GCH1: variants seen among roughly 807,000 people sequenced by gnomAD.
GCH1 encodes the protein GTP cyclohydrolase 1, also known as GTP cyclohydrolase I.
A neutral mutation model predicts 25.9 loss-of-function variants in GCH1; 5 were observed. The ratio of observed to expected loss-of-function variants is 0.19; its 90% CI spans 0.10 to 0.41. GCH1 has a LOEUF of 0.41. GCH1 is among the 10% of genes least tolerant of loss of function. The pLI is 1.00. For synonymous variants in GCH1, 159 were observed against 129.6 expected (o/e 1.23, Z -1.54); for missense variants, 261 against 336.5 (o/e 0.78, Z 1.75).
At chr14:54,869,949 G>A (rs1336007823) in intron 1 of GCH1, among the ~76,000 whole-genome samples, 1 of 152,134 alleles carries the variant, frequency 6.6e-6, no homozygotes, top group African/African-American at 2.4e-5. Flanking sequence ...ACACAGAAGA[G>A]ACTACCTATG....
Position 54,861,279 on chromosome 14 carries a change from T to A in GCH1, c.454-1543A>T, listed in dbSNP as rs149850176. Among the ~76,000 whole-genome samples the A allele has an allele frequency of 8.9e-4, 135 of 152,290 alleles. 1 individual carries two copies. In the East Asian group the frequency reaches 0.025, roughly 28 times the overall value. ...GAAAAAGTAAAATAGCACCTGAACA[T>A]TGAGGATTTCAAAGAAAAATTAGAG... On this transcript the variant is annotated intron_variant, in intron 2 of 5. Transcript: ENST00000491895.
rs1449444039 is a variant in GCH1, at chr14:54,880,713, T to C, written c.344-15277A>G. ...TACTCATATATATATACTCCATATA[T>C]ATATACTCATATATATATATATACT... On this transcript the variant is annotated intron_variant, in intron 1 of 5. Transcript: ENST00000491895. Among the ~76,000 whole-genome samples, 62 of 48,684 alleles carry C rather than the reference T, an allele frequency of 1.3e-3. 25 individuals are homozygous for C. The highest frequency in any genetic ancestry group is 8.6e-3 in the African/African-American group (57 of 6,616). 31.9% of individuals were successfully genotyped at this position (48,684 alleles called of 152,430 possible).
At chr14:54,898,206 C>T (rs534245374) in intron 1 of GCH1, among the ~76,000 whole-genome samples, 12 of 152,074 alleles carry the variant, frequency 7.9e-5, no homozygotes, top group Admixed American at 1.3e-4. Context: ...ACAGTGAGAC[C>T]CTGCCTCTAT....
In GCH1 at chr14:54,843,114, A is replaced by AT; in HGVS notation, c.*902dup. On this transcript the variant is annotated 3_prime_UTR_variant, in exon 6 of 6. Transcript: ENST00000491895. ...AATACTTAGAAAAATATCTTATAAG[A>AT]TTAAAAAAAAGAAGAAGAAGAAACA... 1 of 1,492,690 alleles carries AT rather than the reference A, an allele frequency of 6.7e-7. No individual in the cohort carries two copies. The highest frequency in any genetic ancestry group is 9.1e-7 in the Non-Finnish European group (1 of 1,093,600). The allele number at this position is 1,492,690 out of a possible 1,614,324, so 92.5% of individuals were successfully genotyped here. A position where few individuals can be genotyped will look rare whatever the true frequency, so the allele number is the denominator to read the frequency against.
At position 54,867,589 on chromosome 14, in the gene GCH1, C is replaced by CAAA. The variant is rs1029899399; in HGVS notation, c.344-2156_344-2154dup. On this transcript the variant is annotated intron_variant, in intron 1 of 5. Transcript: ENST00000491895. Reference sequence around the variant, plus strand: ...GGCAAGAGAGAACAAGACTCCGTCTCAAAAAAAAAAAAAAAAAAAAAAAAA... The same window carrying CAAA: ...GGCAAGAGAGAACAAGACTCCGTCTCAAAAAAAAAAAAAAAAAAAAAAAAAAAA... Among the ~76,000 whole-genome samples, 428 of 46,460 alleles carry CAAA rather than the reference C, an allele frequency of 9.2e-3. 46 individuals carry two copies. The highest frequency in any genetic ancestry group is 0.028 in the African/African-American group (342 of 12,226). The allele number at this position is 46,460 out of a possible 152,430, so 30.5% of individuals were successfully genotyped here.
intron 1 of GCH1, among the ~76,000 whole-genome samples, chr14:54,876,148 C>T (rs1292213801): frequency 6.6e-6 from 1 of 152,080 alleles, no homozygotes; most frequent in Non-Finnish European, 1.5e-5. Flanking sequence ...ACATATACAC[C>T]ACAGAATACT....
intron 1 of GCH1, among the ~76,000 whole-genome samples, chr14:54,870,473 C>A (rs2040055284): frequency 1.3e-5 from 2 of 151,946 alleles, no homozygotes; most frequent in Admixed American, 1.3e-4. Flanking sequence ...GTATCGGGTT[C>A]ATCTCACTGG....
Position 54,902,826 on chromosome 14 carries a change from T to C in GCH1, c.-163A>G, listed in dbSNP as rs2040592194. ...CTCCGAGCCGGGAGCGGCCACAGGC[T>C]GGAAAGCCCGGCCGCGCCTCCTTTT... On this transcript the variant is annotated 5_prime_UTR_variant, in exon 1 of 6. Transcript: ENST00000491895. 1 of 961,826 alleles carries C rather than the reference T, an allele frequency of 1.0e-6. No homozygotes were observed. The allele number at this position is 961,826 out of a possible 1,614,324, so 59.6% of individuals were successfully genotyped here.
At position 54,843,286 on chromosome 14, in the gene GCH1, G is replaced by A. The variant is rs1344848838; in HGVS notation, c.*731C>T. On this transcript the variant is annotated 3_prime_UTR_variant, in exon 6 of 6. Coordinates refer to ENST00000491895, the MANE Select transcript of GCH1 (RefSeq NM_000161.3). ...AGGCAAAAGTATCTACACTCTAAATGATATTCTTATCAAGGCACAGAGAGT... is the reference window on the plus strand; with the variant it reads ...AGGCAAAAGTATCTACACTCTAAATAATATTCTTATCAAGGCACAGAGAGT... 2 of 1,362,130 alleles carry A rather than the reference G, an allele frequency of 1.5e-6. No homozygotes were observed. Among genetic ancestry groups the A allele is most frequent in the Non-Finnish European group, 1.9e-6 (2 of 1,063,344 alleles). 84.4% of individuals were successfully genotyped at this position (1,362,130 alleles called of 1,614,324 possible). A position where few individuals can be genotyped will look rare whatever the true frequency, so the allele number is the denominator to read the frequency against.
intron 3 of GCH1, among the ~76,000 whole-genome samples, chr14:54,852,921 G>A (rs1594976713): frequency 6.6e-6 from 1 of 152,122 alleles, no homozygotes; most frequent in Admixed American, 6.5e-5. Flanking sequence ...ACTAGTTTCT[G>A]CTAGCTGCCT....
chr14:54,898,363 G>T (rs1256480900), intron 1 of GCH1, among the ~76,000 whole-genome samples: 1 of 152,154 alleles, frequency 6.6e-6, no homozygotes, highest in African/African-American at 2.4e-5. Flanking sequence ...GTTGCTCTGG[G>T]TGAGTCAGTG....
At chr14:54,879,654 A>T (rs1377096492) in intron 1 of GCH1, among the ~76,000 whole-genome samples, 8 of 152,104 alleles carry the variant, frequency 5.3e-5, no homozygotes, top group African/African-American at 1.9e-4. Context: ...TAAATTAAGT[A>T]AAAACAATGT....
intron 1 of GCH1, among the ~76,000 whole-genome samples, chr14:54,887,023 C>A (rs962222184): frequency 2.6e-5 from 4 of 152,160 alleles, no homozygotes; most frequent in Non-Finnish European, 5.9e-5. Context: ...CAAAGTGGTG[C>A]GCATCAGTCA....
chr14:54,855,565 A>G (rs1223588574), intron 3 of GCH1, among the ~76,000 whole-genome samples: 1 of 148,346 alleles, frequency 6.7e-6, no homozygotes, highest in African/African-American at 2.5e-5. Flanking sequence ...CTGTAATCCC[A>G]GCATTTGGGA....
intron 1 of GCH1, among the ~76,000 whole-genome samples, chr14:54,901,916 C>G (rs574433870): frequency 6.6e-6 from 1 of 152,308 alleles, no homozygotes; most frequent in Non-Finnish European, 1.5e-5. Context: ...ACCCAGGAAG[C>G]CGTCGCCGCA....
At chr14:54,845,652 A>G in intron 5 of GCH1, 116 bp downstream of exon 5, 2 of 762,886 alleles carry the variant, frequency 2.6e-6, no homozygotes, top group Non-Finnish European at 4.9e-6. Context: ...GGAAATCTAC[A>G]GTTATCATAT....
At chr14:54,871,238 G>T (rs1202619109) in intron 1 of GCH1, among the ~76,000 whole-genome samples, 1 of 152,160 alleles carries the variant, frequency 6.6e-6, no homozygotes, top group Non-Finnish European at 1.5e-5. Context: ...AGGCAAACAG[G>T]GTCTGGAGTG....
intron 3 of GCH1, among the ~76,000 whole-genome samples, chr14:54,856,027 G>GAA (rs11439363): frequency 0.018 from 2,680 of 150,872 alleles, 46 homozygotes; most frequent in South Asian, 0.05. Flanking sequence ...AGTCAAAAAA[G>GAA]AAAAAAAAAT....
chr14:54,867,127 A>T (rs1388868953), intron 1 of GCH1, among the ~76,000 whole-genome samples: 1 of 152,250 alleles, frequency 6.6e-6, no homozygotes, highest in Non-Finnish European at 1.5e-5. Context: ...TATTCCTGGA[A>T]GGAAAAACAA....
Sources: allele counts gnomAD v4.1 joint callset (sites outside exome capture counted in the v4.1 genomes callset), GRCh38; gene constraint gnomAD v4.1.1; transcripts MANE v1.5; gene names NCBI Gene and HGNC (gene_info 2026-07-23, HGNC 2026-07-21).